The following SEMA6D variants were observed in gnomAD, a reference collection of about 807,000 sequenced individuals.
SEMA6D encodes semaphorin-6D.
Under a neutral mutation model 106.6 loss-of-function variants are expected in SEMA6D, and 35 were observed. The observed-to-expected ratio is 0.33, with a 90% CI of 0.25 to 0.44. The LOEUF (loss-of-function observed/expected upper bound fraction) is 0.44, where lower values mean the gene tolerates loss of function less well. Among genes scored for constraint, SEMA6D ranks in the 20% least tolerant of loss-of-function variants. The pLI is 1.00. For synonymous variants in SEMA6D, 499 were observed against 487.7 expected (o/e 1.02, Z -0.31); for missense variants, 1,185 against 1,345.9 (o/e 0.88, Z 1.87).
intron 4 of SEMA6D, among the ~76,000 whole-genome samples, chr15:47,601,945 CTT>C (rs1275840307): frequency 3.9e-5 from 6 of 152,224 alleles, no homozygotes; most frequent in Admixed American, 3.9e-4. Flanking sequence ...TTAAAAATGT[CTT>C]TTAGATGCAG....
intron 1 of SEMA6D, among the ~76,000 whole-genome samples, chr15:47,199,448 T>C (rs1274651626): frequency 6.6e-6 from 1 of 152,136 alleles, no homozygotes; most frequent in Non-Finnish European, 1.5e-5. Flanking sequence ...GAAGAGTGTG[T>C]GTCTCCCCTA....
chr15:47,209,113 A>G (rs1424408670), intron 1 of SEMA6D, among the ~76,000 whole-genome samples: 2 of 152,210 alleles, frequency 1.3e-5, no homozygotes, highest in African/African-American at 4.8e-5. Context: ...TCATGTTTCA[A>G]AAGTATCAAC....
chr15:47,762,306 C>G lies in SEMA6D; in HGVS notation c.645C>G (p.Ser215=), dbSNP rs768285589. Residue 215 remains serine, a synonymous_variant, in exon 8 of 19, where the codon TCC becomes TCG. Transcript: ENST00000536845. ...GSALRTIKYD[S]KWIKEPHFLH... is the part of the protein sequence containing the mutation. Reference sequence around the variant, plus strand: ...CCCTTCGCACAATAAAATATGATTCCAAATGGATAAAAGGTACCTTTGAAG... The same window carrying G: ...CCCTTCGCACAATAAAATATGATTCGAAATGGATAAAAGGTACCTTTGAAG... 6.2e-7 allele frequency: 1 copy of G among 1,613,262 alleles called. No individual in the cohort carries two copies. The highest frequency in any genetic ancestry group is 8.5e-7 in the Non-Finnish European group (1 of 1,179,536).
chr15:47,512,110 A>G (rs1424163588), intron 3 of SEMA6D, among the ~76,000 whole-genome samples: 1 of 152,220 alleles, frequency 6.6e-6, no homozygotes, highest in Non-Finnish European at 1.5e-5. Flanking sequence ...ATACCAATAC[A>G]TAAGCTGACA....
In SEMA6D at chr15:47,771,513, C is replaced by T. The variant is rs141715819; in HGVS notation, c.2950C>T (p.Pro984Ser). ...TGCTATGCCTAAAAACTTAAACTCA[C>T]CAAATGGTGTTTTGTTATCCAGACA... ...ISAMPKNLNS[P>S]NGVLLSRQPS... The change falls in exon 19 of 19, where the codon CCA becomes TCA. Residue 984 changes from proline (P) to serine (S), a missense_variant. Pro to Ser is a moderately conservative substitution (Grantham distance 74). Around this residue, in one of 3 missense-constraint regions of SEMA6D, gnomAD observed 750 missense variants for 783.5 expected, o/e 0.96. Coordinates refer to ENST00000536845, the MANE Select transcript of SEMA6D (RefSeq NM_001358351.3). The T allele has an allele frequency of 1.8e-5, 29 of 1,614,102 alleles. No individual in the cohort carries two copies. The highest frequency in any genetic ancestry group is 3.3e-4 in the Middle Eastern group (2 of 6,056).
rs78785110 is a variant in SEMA6D, at chr15:47,368,949, A to G, written c.-238-43444A>G. Among the ~76,000 whole-genome samples the G allele has an allele frequency of 8.7e-3, 1,328 of 152,304 alleles. 8 individuals are homozygous for G. The highest frequency in any genetic ancestry group is 0.048 in the East Asian group (249 of 5,174). Reference sequence around the variant, plus strand: ...TCCCTAATAATCTGTGGGTTCTTGGATGGAGAGCTACACTGTTACTTTAAT... The same window carrying G: ...TCCCTAATAATCTGTGGGTTCTTGGGTGGAGAGCTACACTGTTACTTTAAT... On this transcript the variant is annotated intron_variant, in intron 1 of 19. Coordinates refer to the SEMA6D transcript ENST00000558014.
intron 3 of SEMA6D, among the ~76,000 whole-genome samples, chr15:47,596,358 C>G (rs2076535526): frequency 6.6e-6 from 1 of 151,896 alleles, no homozygotes. Context: ...GCATACTACT[C>G]AAAGCAATAT....
intron 1 of SEMA6D, among the ~76,000 whole-genome samples, chr15:47,365,193 T>C (rs1441425574): frequency 3.9e-5 from 6 of 152,182 alleles, no homozygotes; most frequent in African/African-American, 1.4e-4. Context: ...GGCCTTAAGA[T>C]GACAGCCTGG....
chr15:47,461,417 A>T (rs1387770636), intron 2 of SEMA6D, among the ~76,000 whole-genome samples: 1 of 152,088 alleles, frequency 6.6e-6, no homozygotes, highest in Non-Finnish European at 1.5e-5. Flanking sequence ...TATCTGAAGC[A>T]CTGGAAACAT....
intron 2 of SEMA6D, among the ~76,000 whole-genome samples, chr15:47,469,618 T>A (rs35101796): frequency 0.37 from 55,564 of 151,854 alleles, 10,881 homozygotes; most frequent in African/African-American, 0.51. Context: ...TCATCTATTG[T>A]AAAAGTATTT....
intron 1 of SEMA6D, among the ~76,000 whole-genome samples, chr15:47,244,066 G>A (rs565706675): frequency 4.0e-4 from 61 of 152,248 alleles, no homozygotes; most frequent in Middle Eastern, 3.4e-3. Context: ...ATGTGGTTAT[G>A]CTAGTTTAGA....
Position 47,773,582 on chromosome 15 carries a change from G to C in SEMA6D, c.*1797G>C, listed in dbSNP as rs1399849612. On this transcript the variant is annotated 3_prime_UTR_variant, in exon 19 of 19. Transcript: ENST00000536845. Reference sequence around the variant, plus strand: ...TACTGTTGGTACCTATTACTTGGGGGAGGACATGTTGCAGAAGACCAGATC... The same window carrying C: ...TACTGTTGGTACCTATTACTTGGGGCAGGACATGTTGCAGAAGACCAGATC... The C allele has an allele frequency of 2.0e-5, 3 of 152,320 alleles. No homozygotes were observed. The highest frequency in any genetic ancestry group is 4.4e-5 in the Non-Finnish European group (3 of 68,040). 9.4% of individuals were successfully genotyped at this position (152,320 alleles called of 1,614,324 possible).
At chr15:47,473,050 A>C (rs983360174) in intron 3 of SEMA6D, among the ~76,000 whole-genome samples, 14 of 152,218 alleles carry the variant, frequency 9.2e-5, no homozygotes, top group African/African-American at 3.4e-4. Context: ...ACTTCCTGGA[A>C]AAGAGACATT....
chr15:47,282,378 T>C (rs1430942533), intron 1 of SEMA6D, among the ~76,000 whole-genome samples: 2 of 152,160 alleles, frequency 1.3e-5, no homozygotes, highest in African/African-American at 4.8e-5. Flanking sequence ...TAATCCTGAT[T>C]TTCACAATAG....
intron 1 of SEMA6D, among the ~76,000 whole-genome samples, chr15:47,228,377 T>G (rs531579633): frequency 6.6e-6 from 1 of 152,048 alleles, no homozygotes; most frequent in East Asian, 1.9e-4. Flanking sequence ...GGTTAATCTA[T>G]GAGGACTTAA....
At chr15:47,703,794 T>C (rs1443255126) in intron 4 of SEMA6D, among the ~76,000 whole-genome samples, 2 of 152,156 alleles carry the variant, frequency 1.3e-5, no homozygotes, top group Non-Finnish European at 2.9e-5. Flanking sequence ...CAAGGGGAGA[T>C]AGGGAGGTTT....
intron 4 of SEMA6D, among the ~76,000 whole-genome samples, chr15:47,696,399 A>AACAACAC (rs1802464480): frequency 6.6e-6 from 1 of 152,300 alleles, no homozygotes; most frequent in Admixed American, 6.5e-5. Context: ...TTTCAGTCTG[A>AACAACAC]ACAACACACT....
intron 2 of SEMA6D, among the ~76,000 whole-genome samples, chr15:47,436,379 A>G (rs1196803953): frequency 4.6e-5 from 7 of 151,758 alleles, no homozygotes. Context: ...AACAAAAGTG[A>G]AAGTCTGTCT....
chr15:47,617,656 C>A (rs1188752452), intron 4 of SEMA6D, among the ~76,000 whole-genome samples: 1 of 152,120 alleles, frequency 6.6e-6, no homozygotes, highest in African/African-American at 2.4e-5. Context: ...TCTAAATATA[C>A]CCTGCAGAGT....
Sources: gnomAD v4.1 joint callset for allele counts (sites outside exome capture counted in the v4.1 genomes callset) on GRCh38, gnomAD v4.1.1 for gene constraint, gnomAD v4.1.1 regional missense constraint, MANE v1.5 for transcripts, NCBI Gene and HGNC (gene_info 2026-07-23, HGNC 2026-07-21) for gene names.